GNPTG: variants seen among roughly 807,000 people sequenced by gnomAD.
GNPTG encodes the protein N-acetylglucosamine-1-phosphotransferase subunit gamma.
In GNPTG, 46 loss-of-function variants were observed where a neutral mutation model predicts 43.8. The ratio of observed to expected loss-of-function variants is 1.05; its 90% confidence interval spans 0.83 to 1.34. The LOEUF (loss-of-function observed/expected upper bound fraction) is 1.34, where lower values mean the gene tolerates loss of function less well. Ranked by LOEUF, GNPTG falls within the 40% of genes most tolerant of loss-of-function variation. The pLI is 0.00. For synonymous variants in GNPTG, 250 were observed against 172.8 expected (o/e 1.45, Z -3.50); for missense variants, 549 against 411.3 (o/e 1.33, Z -2.90).
chr16:1,353,044 A>G (rs967149418), intron 3 of GNPTG, among the ~76,000 whole-genome samples: 1 of 145,230 alleles, frequency 6.9e-6, no homozygotes, highest in African/African-American at 2.6e-5. Context: ...ATCTCGGCTC[A>G]CTGCAACCTC....
rs549149015 is a variant in GNPTG, at chr16:1,363,643, G to A, written c.*552G>A. Reference sequence around the variant, plus strand: ...GGCGCGCCTCCACCTCAGCCTCCACGGGGCACCTTCCAGCCACTGCTGTGC... The same window carrying A: ...GGCGCGCCTCCACCTCAGCCTCCACAGGGCACCTTCCAGCCACTGCTGTGC... On this transcript the variant is annotated 3_prime_UTR_variant, in exon 11 of 11. Coordinates refer to ENST00000204679, the MANE Select transcript of GNPTG (RefSeq NM_032520.5). The A allele has an allele frequency of 3.1e-4, 59 of 190,878 alleles. No homozygotes were observed. The highest frequency in any genetic ancestry group is 5.5e-4 in the Non-Finnish European group (50 of 90,864). The allele number at this position is 190,878 out of a possible 1,614,324, so 11.8% of individuals were successfully genotyped here. A position where few individuals can be genotyped will look rare whatever the true frequency, so the allele number is the denominator to read the frequency against.
Position 1,363,095 on chromosome 16 carries a change from TGTG to T in GNPTG, c.*9_*11del. 4.3e-6 allele frequency: 7 copies of T among 1,613,424 alleles called. No individual in the cohort carries two copies. The highest frequency in any genetic ancestry group is 5.9e-6 in the Non-Finnish European group (7 of 1,179,814). On this transcript the variant is annotated 3_prime_UTR_variant, in exon 11 of 11. Coordinates refer to ENST00000204679, the MANE Select transcript of GNPTG (RefSeq NM_032520.5). ...AGGACTGCGTGGGAGTTTGTGACCT[TGTG>T]GTGGGAGAGCAGAGGTGGACGCGGC...
intron 3 of GNPTG, 136 bp from the exon 4 acceptor site, chr16:1,361,607 G>A (rs2034879036): frequency 2.3e-6 from 2 of 851,532 alleles, no homozygotes; most frequent in East Asian, 2.7e-5. Context: ...TCATGCCACT[G>A]CACTCCAGCC....
In GNPTG at chr16:1,363,159, G is replaced by T. The variant is rs60000415; in HGVS notation, c.*68G>T. 888 of 1,353,642 alleles carry T rather than the reference G, an allele frequency of 6.6e-4. 4 individuals carry two copies. The African/African-American group carries it at 0.011, about 17-fold the overall frequency. 83.9% of individuals were successfully genotyped at this position (1,353,642 alleles called of 1,614,324 possible). The stretch of plus-strand genomic sequence containing the variant: ...ACAGAGAAGCTGGCTGGTAGGACCC[G>T]CAGGGACCAGCTGACCAGGCTTGTG... On this transcript the variant is annotated 3_prime_UTR_variant, in exon 11 of 11. Coordinates refer to ENST00000204679, the MANE Select transcript of GNPTG (RefSeq NM_032520.5).
intron 3 of GNPTG, chr16:1,361,399 C>T (rs1434849463): frequency 8.7e-6 from 3 of 346,056 alleles, no homozygotes; most frequent in South Asian, 7.2e-5. Context: ...AATCCCAGCA[C>T]TTTGGGAGGC....
chr16:1,357,190 T>C (rs1183034281), intron 3 of GNPTG, among the ~76,000 whole-genome samples: 1 of 152,108 alleles, frequency 6.6e-6, no homozygotes, highest in African/African-American at 2.4e-5. Context: ...ACCCAGATGG[T>C]ATTTGACAAG....
intron 3 of GNPTG, among the ~76,000 whole-genome samples, chr16:1,356,124 G>C (rs1432762192): frequency 6.6e-6 from 1 of 152,236 alleles, no homozygotes; most frequent in Middle Eastern, 3.4e-3. Flanking sequence ...GCAGCCCTAG[G>C]GGGAGTGCTG....
intron 3 of GNPTG, among the ~76,000 whole-genome samples, chr16:1,356,965 A>G (rs1347523802): frequency 6.6e-6 from 1 of 151,144 alleles, no homozygotes; most frequent in Non-Finnish European, 1.5e-5. Context: ...GTCTGCGGGC[A>G]GGAGTCTGAG....
At chr16:1,358,014 TG>T (rs1567181940) in intron 3 of GNPTG, among the ~76,000 whole-genome samples, 5 of 151,894 alleles carry the variant, frequency 3.3e-5, no homozygotes, top group Non-Finnish European at 5.9e-5. Context: ...ACAGTCTCGG[TG>T]GGCGCTGTGT....
rs556247331 is a variant in GNPTG, at chr16:1,361,561, G to A, written c.179-182G>A. 240 of 632,630 alleles carry A rather than the reference G, an allele frequency of 3.8e-4. 3 individuals carry two copies. The South Asian group carries it at 3.9e-3, about 10-fold the overall frequency. The allele number at this position is 632,630 out of a possible 1,614,324, so 39.2% of individuals were successfully genotyped here. On this transcript the variant is annotated intron_variant, in intron 3 of 10. Coordinates refer to ENST00000204679, the MANE Select transcript of GNPTG (RefSeq NM_032520.5). ...TGGGAGGCTGAGGCAGGAGAATGGCGTGAACATGGGAGGCGGAGCTTGAAG... is the reference window on the plus strand; with the variant it reads ...TGGGAGGCTGAGGCAGGAGAATGGCATGAACATGGGAGGCGGAGCTTGAAG...
intron 6 of GNPTG, 32 bp from the exon 7 acceptor site, chr16:1,362,174 C>T: frequency 6.2e-7 from 1 of 1,613,206 alleles, no homozygotes; most frequent in Non-Finnish European, 8.5e-7. Flanking sequence ...GCCCCAGTCT[C>T]CCCAACCCAC....
At position 1,363,157 on chromosome 16, in the gene GNPTG, C is replaced by A; in HGVS notation, c.*66C>A. The A allele has an allele frequency of 7.1e-7, 1 of 1,399,412 alleles. No individual in the cohort carries two copies. The highest frequency in any genetic ancestry group is 1.0e-6 in the Non-Finnish European group (1 of 1,000,160). The allele number at this position is 1,399,412 out of a possible 1,614,324, so 86.7% of individuals were successfully genotyped here. A position where few individuals can be genotyped will look rare whatever the true frequency, so the allele number is the denominator to read the frequency against. ...CTACAGAGAAGCTGGCTGGTAGGAC[C>A]CGCAGGGACCAGCTGACCAGGCTTG... is the stretch of plus-strand genomic sequence containing the variant. On this transcript the variant is annotated 3_prime_UTR_variant, in exon 11 of 11. Transcript: ENST00000204679.
Position 1,354,589 on chromosome 16 carries a change from A to G in GNPTG, c.178+2283A>G, listed in dbSNP as rs552710254. On this transcript the variant is annotated intron_variant, in intron 3 of 10. Transcript: ENST00000204679. ...TGACAGAGCAAGACTTCGTCTCAAAAAAAAAAAAAAAAAAAAAAAACCCAT... is the reference window on the plus strand; with the variant it reads ...TGACAGAGCAAGACTTCGTCTCAAAGAAAAAAAAAAAAAAAAAAAACCCAT... Among the ~76,000 whole-genome samples the G allele has an allele frequency of 1.9e-3, 264 of 141,178 alleles. No individual in the cohort carries two copies. The Middle Eastern group carries it at 0.021, about 11-fold the overall frequency. 92.6% of individuals were successfully genotyped at this position (141,178 alleles called of 152,430 possible).
chr16:1,362,052 G>A lies in GNPTG; in HGVS notation c.332G>A (p.Trp111Ter). Reference protein sequence around the residue: ...YSGILGIWHEWEIANNTFTGM... With the variant: ...YSGILGIWHE ...TGTCTCCCCAGCATCTGGCACGAGT[G>A]GGAGATCGCCAACAACACCTTCACG... The change falls in exon 6 of 11, where the codon TGG (tryptophan) becomes TAG (stop). Residue 111 changes from tryptophan (W) to a stop codon, truncating the protein, a stop_gained. Transcript: ENST00000204679. LOFTEE classifies it high-confidence loss of function. 6.2e-7 allele frequency: 1 copy of A among 1,612,668 alleles called. No individual in the cohort carries two copies. Among genetic ancestry groups the A allele is most frequent in the Non-Finnish European group, 8.5e-7 (1 of 1,179,658 alleles).
chr16:1,353,798 G>A (rs2034725556), intron 3 of GNPTG, among the ~76,000 whole-genome samples: 1 of 152,154 alleles, frequency 6.6e-6, no homozygotes, highest in Non-Finnish European at 1.5e-5. Flanking sequence ...CTTTAAATAG[G>A]GTGCTGAGGA....
At chr16:1,357,369 C>G (rs1241034407) in intron 3 of GNPTG, among the ~76,000 whole-genome samples, 3 of 152,202 alleles carry the variant, frequency 2.0e-5, no homozygotes, top group Non-Finnish European at 2.9e-5. Context: ...TGGCATTAGC[C>G]TCTGCCCTCC....
chr16:1,352,560 G>GT, intron 3 of GNPTG: 1 of 536,654 alleles, frequency 1.9e-6, no homozygotes, highest in East Asian at 3.2e-5. Flanking sequence ...TTGCAGACGC[G>GT]TTTCTGTGCT....
At chr16:1,360,258 C>T (rs919222595) in intron 3 of GNPTG, among the ~76,000 whole-genome samples, 6 of 152,218 alleles carry the variant, frequency 3.9e-5, no homozygotes, top group Non-Finnish European at 8.8e-5. Context: ...GCCACTTCAG[C>T]TCTCTTTTGC....
rs2034916882 is a variant in GNPTG, at chr16:1,362,445, TCCTCAGTGTA to T, written c.527-4_532del. 2.5e-6 allele frequency: 4 copies of T among 1,613,554 alleles called. No individual in the cohort carries two copies. The highest frequency in any genetic ancestry group is 3.4e-6 in the Non-Finnish European group (4 of 1,179,842). On this transcript the variant is annotated splice_acceptor_variant and splice_polypyrimidine_tract_variant and coding_sequence_variant and intron_variant, in exon 8 of 11. Coordinates refer to ENST00000204679, the MANE Select transcript of GNPTG (RefSeq NM_032520.5). LOFTEE classifies it high-confidence loss of function. The stretch of plus-strand genomic sequence containing the variant: ...GCAGCTGAGCCTGGCTTCTCTTGGG[TCCTCAGTGTA>T]CCCAACCCTGCCAGAGGCCCTGCAG...
Sources: gnomAD v4.1 joint callset for allele counts (sites outside exome capture counted in the v4.1 genomes callset) on GRCh38, gnomAD v4.1.1 for gene constraint, MANE v1.5 for transcripts, NCBI Gene and HGNC (gene_info 2026-07-23, HGNC 2026-07-21) for gene names.